The following HDLBP variants were observed in gnomAD, a reference collection of about 807,000 sequenced individuals.
The protein encoded by HDLBP is high density lipoprotein binding protein.
HDLBP carries 30 observed loss-of-function variants against 137.3 expected under a neutral mutation model. The observed-to-expected ratio is 0.22, with a 90% CI of 0.16 to 0.30. HDLBP has a LOEUF of 0.30. Among genes scored for constraint, HDLBP ranks in the 10% least tolerant of loss-of-function variants. The pLI, the probability that HDLBP is intolerant of heterozygous loss-of-function variation, is 1.00. For synonymous variants in HDLBP, 606 were observed against 596.0 expected (o/e 1.02, Z -0.24); for missense variants, 1,119 against 1,667.3 (o/e 0.67, Z 5.73).
intron 1 of HDLBP, among the ~76,000 whole-genome samples, chr2:241,300,661 C>A (rs189414226): frequency 1.3e-5 from 2 of 152,320 alleles, no homozygotes; most frequent in Middle Eastern, 3.4e-3. Flanking sequence ...AGGTAACTGG[C>A]GCAAGATTTG....
chr2:241,267,865 G>C, intron 2 of HDLBP: 8 of 985,424 alleles, frequency 8.1e-6, no homozygotes, highest in Non-Finnish European at 9.6e-6. Flanking sequence ...GCCCAAGGGC[G>C]CTGAGTTTCT....
At chr2:241,278,289 A>G (rs1191807693) in intron 1 of HDLBP, among the ~76,000 whole-genome samples, 1 of 152,230 alleles carries the variant, frequency 6.6e-6, no homozygotes, top group African/African-American at 2.4e-5. Context: ...GATCATTTCA[A>G]AAGATTCAAA....
chr2:241,249,752 A>G, intron 12 of HDLBP, 89 bp downstream of exon 12: 1 of 1,312,452 alleles, frequency 7.6e-7, no homozygotes, highest in African/African-American at 1.5e-5. Flanking sequence ...CCATTCTCTA[A>G]GGCCGCACAC....
chr2:241,294,122 T>C (rs1435520824), intron 1 of HDLBP, among the ~76,000 whole-genome samples: 2 of 152,198 alleles, frequency 1.3e-5, no homozygotes, highest in Non-Finnish European at 2.9e-5. Flanking sequence ...GCAGTAATTG[T>C]ATCTTCTGGT....
chr2:241,246,943 G>C (rs1262846710), intron 15 of HDLBP, 60 bp from the exon 16 acceptor site: 9 of 1,597,846 alleles, frequency 5.6e-6, no homozygotes, highest in East Asian at 2.2e-5. Context: ...TTGAGACACA[G>C]TTGAGCACAG....
At chr2:241,287,515 G>C (rs1273890046) in intron 1 of HDLBP, among the ~76,000 whole-genome samples, 1 of 151,610 alleles carries the variant, frequency 6.6e-6, no homozygotes, top group African/African-American at 2.4e-5. Context: ...CTGCCTCCCA[G>C]GTTCAAGCGA....
intron 1 of HDLBP, chr2:241,273,240 G>A (rs1160821836): frequency 2.0e-6 from 2 of 985,370 alleles, no homozygotes; most frequent in African/African-American, 1.7e-5. Context: ...AGCGCAGTGA[G>A]GCTCCCAGGC....
rs990029885 is a variant in HDLBP, at chr2:241,306,814, G to A, written c.-103+8756C>T. On this transcript the variant is annotated intron_variant, in intron 1 of 27. Transcript: ENST00000310931. ...GGAGAATTGCTTGAACCCGGGAGGC[G>A]GAAGTTGCAGTGAGCGGAGATCATG... is the stretch of plus-strand genomic sequence containing the variant. Among the ~76,000 whole-genome samples, 8 of 151,266 alleles carry A rather than the reference G, an allele frequency of 5.3e-5. No homozygotes were observed. In the East Asian group the frequency reaches 5.9e-4, roughly 11 times the overall value.
In HDLBP at chr2:241,229,280, C is replaced by T. The variant is rs1016061084; in HGVS notation, c.*321G>A. 4 of 298,346 alleles carry T rather than the reference C, an allele frequency of 1.3e-5. No individual in the cohort carries two copies. The highest frequency in any genetic ancestry group is 2.6e-5 in the Non-Finnish European group (4 of 155,214). 18.5% of individuals were successfully genotyped at this position (298,346 alleles called of 1,614,324 possible). A position where few individuals can be genotyped will look rare whatever the true frequency, so the allele number is the denominator to read the frequency against. On this transcript the variant is annotated 3_prime_UTR_variant, in exon 28 of 28. Transcript: ENST00000310931. ...GACACAGGAAGTGGAATCCTAGCCA[C>T]GGCTGCGGAGCTCTCGTGATGAAGG... is the stretch of plus-strand genomic sequence containing the variant.
At chr2:241,236,517 G>A (rs759090294) in intron 21 of HDLBP, 98 bp downstream of exon 21, 30 of 1,257,310 alleles carry the variant, frequency 2.4e-5, no homozygotes, top group South Asian at 1.6e-4. Flanking sequence ...TGCCACTGCC[G>A]CTTGGGCAAC....
At position 241,230,952 on chromosome 2, in the gene HDLBP, A is replaced by C. The variant is rs780459901; in HGVS notation, c.3289-8T>G. On this transcript the variant is annotated splice_region_variant and splice_polypyrimidine_tract_variant and intron_variant, in intron 24 of 27. Transcript: ENST00000310931. The surrounding 1 kb of genome is among the most constrained non-coding windows in gnomAD (Gnocchi z 5.0). The stretch of plus-strand genomic sequence containing the variant: ...GGTAATTTGGTCCTGGGGCTAAAAA[A>C]GGAGAATGTAGTCAGAAAAGGGGAT... 1 of 1,610,544 alleles carries C rather than the reference A, an allele frequency of 6.2e-7. No homozygotes were observed. Among genetic ancestry groups the C allele is most frequent in the African/African-American group, 1.3e-5 (1 of 74,876 alleles).
intron 22 of HDLBP, 62 bp from the exon 23 acceptor site, chr2:241,235,317 G>A (rs2070274512): frequency 6.2e-7 from 1 of 1,609,078 alleles, no homozygotes; most frequent in Non-Finnish European, 8.5e-7. Flanking sequence ...GAGTCCATTG[G>A]CCCTGGGACC....
chr2:241,263,634 G>A (rs770570782), intron 4 of HDLBP, among the ~76,000 whole-genome samples: 4 of 152,112 alleles, frequency 2.6e-5, no homozygotes, highest in Admixed American at 6.6e-5. Context: ...AAAATTCAGG[G>A]AAGACACTGG....
intron 24 of HDLBP, among the ~76,000 whole-genome samples, chr2:241,232,082 T>C (rs2149326511): frequency 6.6e-6 from 1 of 152,006 alleles, no homozygotes; most frequent in East Asian, 1.9e-4. Flanking sequence ...AATGCCAGAG[T>C]GGGAGGCAGC....
In HDLBP at chr2:241,266,849, C is replaced by T; in HGVS notation, c.21G>A (p.Leu7=). Reference sequence around the variant, plus strand: ...GGTGTTCAGCAAAACTCTCTTGGGTCAAAACTGCAACGGAACTCATGGTTG... The same window carrying T: ...GGTGTTCAGCAAAACTCTCTTGGGTTAAAACTGCAACGGAACTCATGGTTG... The part of the protein sequence containing the change: MSSVAV[L]TQESFAEHRS... Residue 7 remains leucine (L), a synonymous_variant, in exon 3 of 28, where the codon TTG becomes TTA. Transcript: ENST00000310931. 2.5e-6 allele frequency: 4 copies of T among 1,614,174 alleles called. No individual in the cohort carries two copies. Among genetic ancestry groups the T allele is most frequent in the Non-Finnish European group, 3.4e-6 (4 of 1,180,010 alleles).
intron 1 of HDLBP, among the ~76,000 whole-genome samples, chr2:241,289,390 G>C (rs970128171): frequency 6.6e-6 from 1 of 152,156 alleles, no homozygotes; most frequent in Non-Finnish European, 1.5e-5. Flanking sequence ...CCCTAGAAAC[G>C]CTTACTTATA....
chr2:241,234,098 A>ATCTCTCTGGTCCGACC, intron 23 of HDLBP, 135 bp from the exon 24 acceptor site: 1 of 978,644 alleles, frequency 1.0e-6, no homozygotes. Flanking sequence ...ATGGTCCGCC[A>ATCTCTCTGGTCCGACC]TCTCTCTGGT....
intron 1 of HDLBP, chr2:241,315,054 G>C (rs1393115827): frequency 6.6e-6 from 1 of 152,046 alleles, no homozygotes; most frequent in Non-Finnish European, 1.5e-5. Context: ...TCCCGTCCCC[G>C]AGCCACGTCG....
intron 1 of HDLBP, among the ~76,000 whole-genome samples, chr2:241,313,067 G>A (rs1239466267): frequency 1.3e-5 from 2 of 152,094 alleles, no homozygotes; most frequent in East Asian, 3.8e-4. Flanking sequence ...GCACCACCTG[G>A]AAAAACTCTT....
Sources: gnomAD v4.1 joint callset for allele counts (sites outside exome capture counted in the v4.1 genomes callset) on GRCh38, gnomAD v4.1.1 for gene constraint, Gnocchi (gnomAD v3.1) non-coding constraint, MANE v1.5 for transcripts, NCBI Gene and HGNC (gene_info 2026-07-23, HGNC 2026-07-21) for gene names.